The following SPIN1 variants were observed in gnomAD, a reference collection of about 807,000 sequenced individuals.
The protein encoded by SPIN1 is spindlin 1, also known as spindlin-1.
Under a neutral mutation model 26.0 loss-of-function variants are expected in SPIN1, and 3 were observed. The ratio of observed to expected loss-of-function variants is 0.12; its 90% CI spans 0.05 to 0.30. SPIN1 has a LOEUF of 0.30. SPIN1 is among the 10% of genes least tolerant of loss of function. SPIN1 has a pLI of 1.00. For missense variants in SPIN1, 126 were observed against 333.4 expected, an observed-to-expected ratio of 0.38 and a Z score of 4.84; for synonymous variants, 101 against 116.5, an observed-to-expected ratio of 0.87 and a Z score of 0.86.
chr9:88,457,138 C>T (rs1208156973), intron 3 of SPIN1, among the ~76,000 whole-genome samples: 1 of 152,104 alleles, frequency 6.6e-6, no homozygotes, highest in Non-Finnish European at 1.5e-5. Flanking sequence ...ATAATCCAGA[C>T]TACAAATGGG....
intron 3 of SPIN1, among the ~76,000 whole-genome samples, chr9:88,452,629 C>T (rs930109296): frequency 6.6e-6 from 1 of 152,132 alleles, no homozygotes; most frequent in Non-Finnish European, 1.5e-5. Context: ...AGTGTGTAGA[C>T]AAAGTAGTGA....
intron 4 of SPIN1, among the ~76,000 whole-genome samples, chr9:88,464,514 G>A (rs750766784): frequency 2.6e-5 from 4 of 152,190 alleles, no homozygotes; most frequent in Non-Finnish European, 4.4e-5. Context: ...GGACCCTTGG[G>A]TTCTCTGAAG....
intron 1 of SPIN1, among the ~76,000 whole-genome samples, chr9:88,423,248 A>C (rs1827704949): frequency 6.6e-6 from 1 of 152,210 alleles, no homozygotes; most frequent in Non-Finnish European, 1.5e-5. Flanking sequence ...CATTTCATTG[A>C]ATGAATTTGT....
intron 1 of SPIN1, among the ~76,000 whole-genome samples, chr9:88,416,263 TC>T (rs1168948936): frequency 6.6e-6 from 1 of 152,196 alleles, no homozygotes; most frequent in Admixed American, 6.5e-5. Flanking sequence ...TGCTGTCTTT[TC>T]CTCTTTTTTG....
At chr9:88,408,474 T>A (rs145690191) in intron 1 of SPIN1, among the ~76,000 whole-genome samples, 4 of 149,772 alleles carry the variant, frequency 2.7e-5, no homozygotes, top group African/African-American at 7.4e-5. Flanking sequence ...GCCTCCTGGG[T>A]TTAAGCAGTT....
intron 5 of SPIN1, among the ~76,000 whole-genome samples, chr9:88,470,473 A>G (rs1044886961): frequency 1.3e-5 from 2 of 151,914 alleles, no homozygotes; most frequent in Admixed American, 6.6e-5. Context: ...ATTCTCACCA[A>G]CTGTTACTGT....
At chr9:88,445,179 A>G (rs949956399) in intron 2 of SPIN1, among the ~76,000 whole-genome samples, 2 of 152,174 alleles carry the variant, frequency 1.3e-5, no homozygotes, top group Admixed American at 1.3e-4. Flanking sequence ...CAATTCCAGT[A>G]GATCTTGAAA....
intron 2 of SPIN1, among the ~76,000 whole-genome samples, chr9:88,431,313 T>G (rs1229886488): frequency 6.7e-6 from 1 of 149,614 alleles, no homozygotes; most frequent in Non-Finnish European, 1.5e-5. Context: ...TGAGATGGAG[T>G]CTCAAGAGCT....
chr9:88,453,831 T>C (rs944872232), intron 3 of SPIN1, among the ~76,000 whole-genome samples: 4 of 152,146 alleles, frequency 2.6e-5, no homozygotes, highest in African/African-American at 9.7e-5. Context: ...CGCGGTATCT[T>C]AAGCACATCG....
intron 1 of SPIN1, among the ~76,000 whole-genome samples, chr9:88,397,940 A>G (rs1186505486): frequency 2.7e-5 from 4 of 150,790 alleles, no homozygotes; most frequent in African/African-American, 9.8e-5. Context: ...TGTTTTTTTG[A>G]GACGAGGTCT....
In SPIN1 at chr9:88,420,013, T is replaced by G. The variant is rs115656379; in HGVS notation, c.-158-6369T>G. Among the ~76,000 whole-genome samples the G allele has an allele frequency of 4.0e-3, 615 of 152,354 alleles. 5 individuals carry two copies. Among genetic ancestry groups the G allele is most frequent in the African/African-American group, 0.014 (590 of 41,582 alleles). ...TCCTTCCTTACAAGGAAAGTAACTT[T>G]GAAATGACCAATCCGCTTTTTGTTC... On this transcript the variant is annotated intron_variant, in intron 1 of 5. Coordinates refer to ENST00000375859, the MANE Select transcript of SPIN1 (RefSeq NM_006717.3).
In SPIN1 at chr9:88,453,085, G is replaced by C. The variant is rs574934215; in HGVS notation, c.101+4096G>C. ...TAATTCAAGCCATTAAGGAAGTCTAGGTAAAAAGATGAAAGGTCGTTTTCC... is the reference window on the plus strand; with the variant it reads ...TAATTCAAGCCATTAAGGAAGTCTACGTAAAAAGATGAAAGGTCGTTTTCC... On this transcript the variant is annotated intron_variant, in intron 3 of 5. Transcript: ENST00000375859. Among the ~76,000 whole-genome samples the C allele has an allele frequency of 3.9e-5, 6 of 152,174 alleles. No homozygotes were observed. The South Asian group carries it at 1.2e-3, about 32-fold the overall frequency.
At chr9:88,461,507 T>C (rs775499225) in intron 3 of SPIN1, among the ~76,000 whole-genome samples, 7 of 152,212 alleles carry the variant, frequency 4.6e-5, no homozygotes, top group African/African-American at 9.6e-5. Context: ...TTAGAAAATA[T>C]ATAATTTTAG....
intron 1 of SPIN1, chr9:88,411,465 A>G: frequency 1.7e-6 from 2 of 1,188,614 alleles, no homozygotes; most frequent in Non-Finnish European, 2.4e-6. Context: ...CTTAGACATG[A>G]TGGCATGGAG....
intron 3 of SPIN1, among the ~76,000 whole-genome samples, chr9:88,460,775 A>G (rs1488067872): frequency 6.6e-6 from 1 of 152,198 alleles, no homozygotes; most frequent in Non-Finnish European, 1.5e-5. Flanking sequence ...CACATTGGTG[A>G]TGGCATCTTC....
chr9:88,399,895 A>G (rs1011269175), intron 1 of SPIN1, among the ~76,000 whole-genome samples: 1 of 152,236 alleles, frequency 6.6e-6, no homozygotes, highest in African/African-American at 2.4e-5. Context: ...TGCTCTAAAA[A>G]TGCAAATGTA....
At chr9:88,442,688 A>AT (rs553779078) in intron 2 of SPIN1, among the ~76,000 whole-genome samples, 1,878 of 148,910 alleles carry the variant, frequency 0.013, 17 homozygotes, top group Middle Eastern at 0.022. Context: ...CCTGGTGAAG[A>AT]TTTTTTTTTT....
intron 3 of SPIN1, among the ~76,000 whole-genome samples, chr9:88,451,312 A>C (rs1161223481): frequency 6.6e-6 from 1 of 152,150 alleles, no homozygotes; most frequent in African/African-American, 2.4e-5. Context: ...ACAGAACTGC[A>C]CTGAGTGAGC....
At chr9:88,435,051 C>CA (rs34421426) in intron 2 of SPIN1, among the ~76,000 whole-genome samples, 2,427 of 71,378 alleles carry the variant, frequency 0.034, 62 homozygotes, top group African/African-American at 0.11. Flanking sequence ...GACTCCAGCT[C>CA]AAAAAAAAAA....
Sources: allele counts gnomAD v4.1 joint callset (sites outside exome capture counted in the v4.1 genomes callset), GRCh38; gene constraint gnomAD v4.1.1; transcripts MANE v1.5; gene names NCBI Gene and HGNC (gene_info 2026-07-23, HGNC 2026-07-21).